FAT3: variants seen among roughly 807,000 people sequenced by gnomAD.
The protein encoded by FAT3 is protocadherin Fat 3.
Under a neutral mutation model 310.2 loss-of-function variants are expected in FAT3, and 95 were observed. That is an observed-to-expected ratio of 0.31 (90% CI 0.26 to 0.36). FAT3 has a LOEUF of 0.36. Among genes scored for constraint, FAT3 ranks in the 10% least tolerant of loss-of-function variants. FAT3 has a pLI of 1.00. For missense variants in FAT3, 5,408 were observed against 5,715.6 expected (o/e 0.95, Z 1.74); for synonymous variants, 2,314 against 2,192.9 (o/e 1.06, Z -1.54).
intron 20 of FAT3, among the ~76,000 whole-genome samples, 156 bp from the exon 21 acceptor site, chr11:92,859,009 G>T (rs999209737): frequency 2.6e-5 from 4 of 152,122 alleles, no homozygotes; most frequent in East Asian, 1.9e-4. Flanking sequence ...TGGAAAACTG[G>T]TTTTTAATCA....
At chr11:92,782,387 G>T (rs1946775341) in intron 7 of FAT3, among the ~76,000 whole-genome samples, 1 of 151,910 alleles carries the variant, frequency 6.6e-6, no homozygotes, top group Non-Finnish European at 1.5e-5. Flanking sequence ...CTTGAGCCCA[G>T]GTGTTCCAGA....
chr11:92,779,272 C>A (rs1382880715), intron 7 of FAT3, among the ~76,000 whole-genome samples: 1 of 152,120 alleles, frequency 6.6e-6, no homozygotes, highest in Non-Finnish European at 1.5e-5. Flanking sequence ...AAGAGGAATT[C>A]TACCCATAGT....
chr11:92,245,676 C>G (rs946132787), intron 1 of FAT3, among the ~76,000 whole-genome samples: 3 of 152,068 alleles, frequency 2.0e-5, no homozygotes, highest in Non-Finnish European at 4.4e-5. Context: ...TTCAACTCTG[C>G]CTTTGTAGCT....
intron 1 of FAT3, among the ~76,000 whole-genome samples, chr11:92,232,291 A>C (rs537561015): frequency 6.6e-6 from 1 of 152,200 alleles, no homozygotes; most frequent in Admixed American, 6.5e-5. Context: ...TGCTAATAAC[A>C]GTTTCAATCA....
At chr11:92,777,268 T>A (rs1946622723) in intron 7 of FAT3, among the ~76,000 whole-genome samples, 1 of 152,188 alleles carries the variant, frequency 6.6e-6, no homozygotes, top group African/African-American at 2.4e-5. Context: ...ATAAACAACA[T>A]GTTGAACTTG....
At chr11:92,285,046 G>A (rs2134376131) in intron 1 of FAT3, among the ~76,000 whole-genome samples, 1 of 152,224 alleles carries the variant, frequency 6.6e-6, no homozygotes, top group East Asian at 1.9e-4. Flanking sequence ...TTCCCTCAGT[G>A]GGAATGAGAG....
Position 92,836,531 on chromosome 11 carries a change from A to G in FAT3, c.10087-35A>G, listed in dbSNP as rs375699423. The G allele has an allele frequency of 2.5e-4, 395 of 1,607,146 alleles. 1 individual carries two copies. The highest frequency in any genetic ancestry group is 5.0e-4 in the Middle Eastern group (3 of 6,048). On this transcript the variant is annotated intron_variant, in intron 15 of 27. Coordinates refer to ENST00000525166, the MANE Select transcript of FAT3 (RefSeq NM_001367949.2). Reference sequence around the variant, plus strand: ...GAATCAACCTTTGCTGCCTTATGTCATGTCTTTTCTTTGTTTTGCTTGTTT... The same window carrying G: ...GAATCAACCTTTGCTGCCTTATGTCGTGTCTTTTCTTTGTTTTGCTTGTTT...
At chr11:92,262,776 C>T (rs925152813) in intron 1 of FAT3, among the ~76,000 whole-genome samples, 6 of 152,092 alleles carry the variant, frequency 3.9e-5, no homozygotes, top group South Asian at 2.1e-4. Context: ...TCTCAGAATA[C>T]GGGATGGGTT....
At chr11:92,663,894 T>C (rs1458999557) in intron 3 of FAT3, among the ~76,000 whole-genome samples, 1 of 152,178 alleles carries the variant, frequency 6.6e-6, no homozygotes, top group East Asian at 1.9e-4. Context: ...CTTTTGAGAT[T>C]CTAAAAATCA....
chr11:92,393,879 G>A (rs1320775077), intron 2 of FAT3, among the ~76,000 whole-genome samples: 2 of 152,102 alleles, frequency 1.3e-5, no homozygotes, highest in Non-Finnish European at 2.9e-5. Context: ...ACTAACATGG[G>A]GATTTTATAT....
At chr11:92,818,451 C>A (rs1947879416) in intron 13 of FAT3, among the ~76,000 whole-genome samples, 1 of 152,126 alleles carries the variant, frequency 6.6e-6, no homozygotes, top group South Asian at 2.1e-4. Flanking sequence ...TGGAGGCATG[C>A]AAACATCCTG....
intron 1 of FAT3, among the ~76,000 whole-genome samples, chr11:92,348,757 T>G (rs990393599): frequency 5.3e-5 from 8 of 152,196 alleles, no homozygotes; most frequent in Non-Finnish European, 1.2e-4. Flanking sequence ...ATCTGTAAAC[T>G]CAGGAGATTG....
intron 19 of FAT3, among the ~76,000 whole-genome samples, chr11:92,847,351 A>G: frequency 6.6e-6 from 1 of 152,222 alleles, no homozygotes; most frequent in Non-Finnish European, 1.5e-5. Flanking sequence ...CCTAGGAGCC[A>G]TAGGCTGTAC....
At chr11:92,272,299 C>T (rs1348650146) in intron 1 of FAT3, among the ~76,000 whole-genome samples, 3 of 151,958 alleles carry the variant, frequency 2.0e-5, no homozygotes, top group Non-Finnish European at 2.9e-5. Context: ...CACATAAGGC[C>T]GAGTGGGCTA....
intron 1 of FAT3, among the ~76,000 whole-genome samples, chr11:92,269,032 C>G (rs185061700): frequency 4.8e-4 from 73 of 152,236 alleles, no homozygotes; most frequent in African/African-American, 1.8e-3. Context: ...AGAATCAGCT[C>G]CTTTTCCCTC....
At chr11:92,603,352 C>A (rs777847629) in intron 3 of FAT3, among the ~76,000 whole-genome samples, 1 of 152,124 alleles carries the variant, frequency 6.6e-6, no homozygotes, top group Non-Finnish European at 1.5e-5. Flanking sequence ...CCTTAACTCA[C>A]CAAAGCATAG....
At chr11:92,715,201 C>T (rs1018621821) in intron 4 of FAT3, among the ~76,000 whole-genome samples, 1 of 149,654 alleles carries the variant, frequency 6.7e-6, no homozygotes, top group Non-Finnish European at 1.5e-5. Context: ...GTCAGGAGAT[C>T]GAGACCATCC....
At chr11:92,366,830 C>A (rs1949034743) in intron 2 of FAT3, 9 of 534,668 alleles carry the variant, frequency 1.7e-5, no homozygotes, top group South Asian at 1.2e-4. Context: ...GTCTGCATAC[C>A]TGCCATCCTT....
At chr11:92,887,225 G>A in intron 25 of FAT3, 112 bp downstream of exon 25, 2 of 864,440 alleles carry the variant, frequency 2.3e-6, no homozygotes, top group Non-Finnish European at 3.6e-6. Flanking sequence ...CTGTTCATGG[G>A]CTTTTGAGCG....
Sources: gnomAD v4.1 joint callset for allele counts (sites outside exome capture counted in the v4.1 genomes callset) on GRCh38, gnomAD v4.1.1 for gene constraint, MANE v1.5 for transcripts, NCBI Gene and HGNC (gene_info 2026-07-23, HGNC 2026-07-21) for gene names.